Variants in HIGD1A observed in about 807,000 individuals in gnomAD.
HIGD1A encodes the protein HIG1 domain family member 1A, mitochondrial.
Under a neutral mutation model 11.3 loss-of-function variants are expected in HIGD1A, and 8 were observed. That is an observed-to-expected ratio of 0.71 (90% CI 0.42 to 1.28). The LOEUF is 1.28. Among genes scored for constraint, HIGD1A ranks in the 50% most tolerant of loss-of-function variants. HIGD1A has a pLI of 0.01. For missense variants in HIGD1A, 107 were observed against 118.8 expected (o/e 0.90, Z 0.46); for synonymous variants, 32 against 38.4 (o/e 0.83, Z 0.62).
At chr3:42,786,196 T>C in intron 2 of HIGD1A, 34 bp from the exon 3 acceptor site, 1 of 1,611,556 alleles carries the variant, frequency 6.2e-7, no homozygotes, top group Non-Finnish European at 8.5e-7. Flanking sequence ...GTCAGATGCA[T>C]GAGAAGGGAC....
chr3:42,802,214 A>C (rs190948587), intron 1 of HIGD1A, among the ~76,000 whole-genome samples: 1 of 149,950 alleles, frequency 6.7e-6, no homozygotes, highest in East Asian at 2.0e-4. Flanking sequence ...TCTTTCCTGT[A>C]TATAAATCAA....
chr3:42,786,745 A>G (rs182910800), intron 2 of HIGD1A, among the ~76,000 whole-genome samples: 46 of 152,334 alleles, frequency 3.0e-4, no homozygotes, highest in African/African-American at 1.1e-3. Flanking sequence ...AGCATTCAGG[A>G]CATGACCTTC....
intron 1 of HIGD1A, 140 bp downstream of exon 1, chr3:42,804,296 C>T: frequency 8.9e-7 from 1 of 1,119,128 alleles, no homozygotes; most frequent in Non-Finnish European, 1.3e-6. Flanking sequence ...CCGGCAACTC[C>T]ACCTCTCCTC....
At chr3:42,791,499 T>C (rs1693578017) in intron 2 of HIGD1A, among the ~76,000 whole-genome samples, 1 of 152,176 alleles carries the variant, frequency 6.6e-6, no homozygotes, top group African/African-American at 2.4e-5. Context: ...AGAATGATAA[T>C]ATCTAGTGCT....
intron 1 of HIGD1A, among the ~76,000 whole-genome samples, chr3:42,800,357 GAA>G (rs1700541039): frequency 1.3e-5 from 2 of 149,422 alleles, no homozygotes; most frequent in East Asian, 3.9e-4. Flanking sequence ...AAAAGAAAAA[GAA>G]AAAGAAAAAA....
At chr3:42,788,247 ATT>A (rs1370370331) in intron 2 of HIGD1A, among the ~76,000 whole-genome samples, 1 of 152,252 alleles carries the variant, frequency 6.6e-6, no homozygotes, top group East Asian at 1.9e-4. Context: ...TGATAAAGAG[ATT>A]TTTAAAAATA....
rs1700467618 is a variant in HIGD1A, at chr3:42,794,327, T to C, written c.-22-52A>G. The C allele has an allele frequency of 2.7e-6, 4 of 1,473,338 alleles. No homozygotes were observed. In the Admixed American group the frequency reaches 7.8e-5, roughly 29 times the overall value. The allele number at this position is 1,473,338 out of a possible 1,614,324, so 91.3% of individuals were successfully genotyped here. On this transcript the variant is annotated intron_variant, in intron 1 of 3. Coordinates refer to ENST00000321331, the MANE Select transcript of HIGD1A (RefSeq NM_014056.4). ...GTAATTAAAAGCATCTGAACATTATTAAATATCTGGATGTATTTAAAATAT... is the reference window on the plus strand; with the variant it reads ...GTAATTAAAAGCATCTGAACATTATCAAATATCTGGATGTATTTAAAATAT...
chr3:42,799,913 G>A lies in HIGD1A; in HGVS notation c.-23+4523C>T, dbSNP rs558377170. Among the ~76,000 whole-genome samples, 287 of 152,300 alleles carry A rather than the reference G, an allele frequency of 1.9e-3. 2 individuals carry two copies. The highest frequency in any genetic ancestry group is 1.2e-3 in the Non-Finnish European group (79 of 68,030). On this transcript the variant is annotated intron_variant, in intron 1 of 3. Transcript: ENST00000321331. ...ATTTTAGCTAAAGGAGGTTTGGCAC[G>A]TTTCACAGAGAAACACTTGAGACTG...
At position 42,794,137 on chromosome 3, in the gene HIGD1A, A is replaced by G; in HGVS notation, c.97+20T>C. 2 of 1,598,000 alleles carry G rather than the reference A, an allele frequency of 1.3e-6. No homozygotes were observed. Among genetic ancestry groups the G allele is most frequent in the Non-Finnish European group, 1.7e-6 (2 of 1,175,458 alleles). ...CGGCTCTACCATATTCAAGACTACTAAAATGTCAGTCAAACTTACCAACGG... is the reference window on the plus strand; with the variant it reads ...CGGCTCTACCATATTCAAGACTACTGAAATGTCAGTCAAACTTACCAACGG... On this transcript the variant is annotated intron_variant, in intron 2 of 3. Transcript: ENST00000321331.
In HIGD1A at chr3:42,784,900, T is replaced by A; in HGVS notation, c.*371A>T. 1 of 200,598 alleles carries A rather than the reference T, an allele frequency of 5.0e-6. No homozygotes were observed. The highest frequency in any genetic ancestry group is 1.0e-5 in the Non-Finnish European group (1 of 99,868). 12.4% of individuals were successfully genotyped at this position (200,598 alleles called of 1,614,324 possible). On this transcript the variant is annotated 3_prime_UTR_variant, in exon 4 of 4. Coordinates refer to ENST00000321331, the MANE Select transcript of HIGD1A (RefSeq NM_014056.4). The stretch of plus-strand genomic sequence containing the variant: ...TTAACTGGGGCAAATAGGACTCTTA[T>A]GCAACATCCAAAATATCTGACATTC...
intron 1 of HIGD1A, among the ~76,000 whole-genome samples, chr3:42,803,636 G>A (rs1000407274): frequency 1.3e-5 from 2 of 152,166 alleles, no homozygotes; most frequent in African/African-American, 4.8e-5. Context: ...TTGTACTTCC[G>A]GAAGCAGGGA....
chr3:42,786,315 A>G (rs1278478606), intron 2 of HIGD1A, among the ~76,000 whole-genome samples, 153 bp from the exon 3 acceptor site: 1 of 152,202 alleles, frequency 6.6e-6, no homozygotes, highest in East Asian at 1.9e-4. Flanking sequence ...GTTTTCCCCT[A>G]TCAAAACCAA....
intron 1 of HIGD1A, among the ~76,000 whole-genome samples, chr3:42,800,636 C>CA (rs1553697991): frequency 1.3e-5 from 2 of 150,210 alleles, no homozygotes; most frequent in Admixed American, 1.3e-4. Context: ...AGTTACAAAA[C>CA]TTTTTTTTTA....
At chr3:42,787,560 C>A (rs548831145) in intron 2 of HIGD1A, among the ~76,000 whole-genome samples, 18 of 142,534 alleles carry the variant, frequency 1.3e-4, no homozygotes, top group South Asian at 2.2e-4. Flanking sequence ...CACTGCACTC[C>A]AGCCTGGGCG....
rs190665643 is a variant in HIGD1A at position 42,785,594 on chromosome 3, G to A, written c.233-274C>T. 4.6e-5 allele frequency among the ~76,000 whole-genome samples: 7 copies of A among 152,162 alleles called. No individual in the cohort carries two copies. In the East Asian group the frequency reaches 1.2e-3, roughly 25 times the overall value. ...TTGAAAGAACAATCAATATTTATCTGGTAACTTTGAAAGGAATCACTCTTG... is the reference window on the plus strand; with the variant it reads ...TTGAAAGAACAATCAATATTTATCTAGTAACTTTGAAAGGAATCACTCTTG... On this transcript the variant is annotated intron_variant, in intron 3 of 3. Transcript: ENST00000321331.
intron 2 of HIGD1A, among the ~76,000 whole-genome samples, chr3:42,790,580 T>G (rs1322562221): frequency 1.3e-5 from 2 of 152,164 alleles, no homozygotes; most frequent in Non-Finnish European, 2.9e-5. Context: ...AAAAGATTAC[T>G]TTGATGAATA....
intron 2 of HIGD1A, among the ~76,000 whole-genome samples, chr3:42,787,419 C>A (rs1700364419): frequency 6.6e-6 from 1 of 151,442 alleles, no homozygotes; most frequent in South Asian, 2.1e-4. Context: ...ACAGCCTGGT[C>A]ATCTCTACTA....
intron 1 of HIGD1A, chr3:42,804,039 G>A (rs116420319): frequency 0.011 from 10,547 of 939,344 alleles, 80 homozygotes; most frequent in Non-Finnish European, 0.015. Context: ...CGCTTAGCCC[G>A]CTCTTCAGAA....
intron 1 of HIGD1A, 70 bp from the exon 2 acceptor site, chr3:42,794,345 T>C (rs1225176177): frequency 3.0e-6 from 4 of 1,352,996 alleles, no homozygotes; most frequent in Non-Finnish European, 4.0e-6. Context: ...TGGATGTATT[T>C]AAAATATTCC....
Sources: gnomAD v4.1 joint callset for allele counts (sites outside exome capture counted in the v4.1 genomes callset) on GRCh38, gnomAD v4.1.1 for gene constraint, MANE v1.5 for transcripts, NCBI Gene and HGNC (gene_info 2026-07-23, HGNC 2026-07-21) for gene names.